Variants in RREB1 observed in about 807,000 individuals in gnomAD.
The protein encoded by RREB1 is ras-responsive element-binding protein 1.
Under a neutral mutation model 117.8 loss-of-function variants are expected in RREB1, and 27 were observed. The ratio of observed to expected loss-of-function variants is 0.23; its 90% CI spans 0.17 to 0.32. RREB1 has a LOEUF of 0.32. RREB1 is among the 10% of genes least tolerant of loss of function. The probability of loss-of-function intolerance (pLI) is 1.00; values close to 1 mark genes in which losing one functional copy is unlikely to be tolerated. For synonymous variants in RREB1, 1,298 were observed against 1,026.7 expected, an observed-to-expected ratio of 1.26 and a Z score of -5.05; for missense variants, 2,577 against 2,378.2, an observed-to-expected ratio of 1.08 and a Z score of -1.74.
intron 1 of RREB1, among the ~76,000 whole-genome samples, chr6:7,130,540 C>A (rs562593816): frequency 6.6e-6 from 1 of 152,252 alleles, no homozygotes; most frequent in East Asian, 1.9e-4. Context: ...CCAGCTGTTT[C>A]TCTATAGCTT....
At chr6:7,117,213 T>C (rs1485560028) in intron 1 of RREB1, among the ~76,000 whole-genome samples, 1 of 152,022 alleles carries the variant, frequency 6.6e-6, no homozygotes, top group Non-Finnish European at 1.5e-5. Context: ...TTAAGGGAGC[T>C]CCCTTTATTC....
chr6:7,126,120 G>A (rs905793896), intron 1 of RREB1, among the ~76,000 whole-genome samples: 6 of 152,108 alleles, frequency 3.9e-5, no homozygotes, highest in African/African-American at 1.2e-4. Flanking sequence ...TCCTGCCTCA[G>A]CCTCCTGAGT....
intron 1 of RREB1, among the ~76,000 whole-genome samples, chr6:7,114,983 A>G (rs1307225480): frequency 1.6e-5 from 2 of 124,670 alleles, no homozygotes; most frequent in African/African-American, 2.9e-5. Flanking sequence ...AGTTATGTGG[A>G]GTATACCTTT....
chr6:7,149,085 G>A (rs1219985115), intron 1 of RREB1, among the ~76,000 whole-genome samples: 1 of 152,072 alleles, frequency 6.6e-6, no homozygotes, highest in Non-Finnish European at 1.5e-5. Flanking sequence ...ACCACACCCA[G>A]CTAATTTTTG....
intron 1 of RREB1, among the ~76,000 whole-genome samples, chr6:7,121,584 G>A (rs981389165): frequency 2.0e-5 from 3 of 151,926 alleles, no homozygotes; most frequent in African/African-American, 4.8e-5. Context: ...CTAATGTGTT[G>A]GGCCCTCCAC....
intron 1 of RREB1, among the ~76,000 whole-genome samples, chr6:7,111,182 G>A (rs945565314): frequency 9.9e-5 from 15 of 152,204 alleles, no homozygotes; most frequent in Admixed American, 7.2e-4. Flanking sequence ...CTGTGTGCCA[G>A]GCACTGTACA....
intron 1 of RREB1, among the ~76,000 whole-genome samples, chr6:7,125,050 C>T (rs1761850315): frequency 6.6e-6 from 1 of 152,218 alleles, no homozygotes; most frequent in South Asian, 2.1e-4. Flanking sequence ...CAGCAGATTA[C>T]AGCTTACCAG....
At chr6:7,241,360 C>T (rs1256965115) in intron 11 of RREB1, among the ~76,000 whole-genome samples, 4 of 152,144 alleles carry the variant, frequency 2.6e-5, no homozygotes, top group Admixed American at 2.6e-4. Flanking sequence ...CAAGAGCAAA[C>T]AAAACGAAAG....
intron 1 of RREB1, among the ~76,000 whole-genome samples, chr6:7,121,372 A>G (rs1210335715): frequency 6.6e-6 from 1 of 152,162 alleles, no homozygotes; most frequent in African/African-American, 2.4e-5. Context: ...TAGGACTCTC[A>G]CAGTGGCTCA....
intron 1 of RREB1, among the ~76,000 whole-genome samples, chr6:7,111,514 G>C (rs926605924): frequency 2.0e-5 from 3 of 152,104 alleles, no homozygotes; most frequent in Admixed American, 6.6e-5. Flanking sequence ...ATAGGATAAG[G>C]GTTGCTAAGC....
intron 1 of RREB1, among the ~76,000 whole-genome samples, chr6:7,160,677 C>A (rs1763610916): frequency 6.8e-6 from 1 of 147,408 alleles, no homozygotes; most frequent in South Asian, 2.2e-4. Context: ...ACCTGGATAA[C>A]TTTTTTTTTT....
chr6:7,153,320 T>C (rs2113434827), intron 1 of RREB1, among the ~76,000 whole-genome samples: 1 of 151,986 alleles, frequency 6.6e-6, no homozygotes, highest in Admixed American at 6.6e-5. Context: ...CAAAACAAGT[T>C]ATCAGTCCAC....
intron 1 of RREB1, among the ~76,000 whole-genome samples, chr6:7,171,911 C>T (rs1350545762): frequency 6.6e-6 from 1 of 151,170 alleles, no homozygotes; most frequent in East Asian, 1.9e-4. Flanking sequence ...AGCATGGAGA[C>T]TCTTGAATGG....
chr6:7,188,256 C>T (rs994267536), intron 5 of RREB1, among the ~76,000 whole-genome samples: 69 of 87,500 alleles, frequency 7.9e-4, no homozygotes, highest in East Asian at 3.0e-3. Context: ...TGTGTGTGCG[C>T]GCGCGCACGT....
chr6:7,226,322 G>A, intron 8 of RREB1, 145 bp from the exon 9 acceptor site: 2 of 609,298 alleles, frequency 3.3e-6, no homozygotes, highest in Admixed American at 3.4e-5. Context: ...ATGCAGCCTG[G>A]CTTCTTGACA....
At chr6:7,112,872 C>T (rs1351970669) in intron 1 of RREB1, among the ~76,000 whole-genome samples, 3 of 152,150 alleles carry the variant, frequency 2.0e-5, no homozygotes, top group East Asian at 3.8e-4. Flanking sequence ...GAACTGCAGC[C>T]GAGTGTAGCT....
At chr6:7,206,430 A>C (rs749540311) in intron 6 of RREB1, among the ~76,000 whole-genome samples, 3 of 152,164 alleles carry the variant, frequency 2.0e-5, no homozygotes, top group Non-Finnish European at 2.9e-5. Context: ...CATATACTTC[A>C]TTCCTTCCTT....
intron 1 of RREB1, among the ~76,000 whole-genome samples, chr6:7,114,474 G>GT (rs1276427690): frequency 6.6e-6 from 1 of 151,932 alleles, no homozygotes; most frequent in Non-Finnish European, 1.5e-5. Flanking sequence ...CTGGTGGGGG[G>GT]GGGGGCGGCA....
chr6:7,229,245 G>T lies in RREB1; in HGVS notation c.1146G>T (p.Glu382Asp), dbSNP rs774954588. Residue 382 changes from glutamate to aspartate, a missense_variant, in exon 10 of 13, where the codon GAG (glutamate) becomes GAT (aspartate). Physicochemically the swap from Glu to Asp is conservative, Grantham distance 45 (BLOSUM62 2). Coordinates refer to ENST00000379938, the MANE Select transcript of RREB1 (RefSeq NM_001003699.4). This position sits in a 1 kb window ranked among gnomAD's most constrained non-coding sequence, Gnocchi z 4.5. ...ACGTCAGGCCTGCCCCCGCCGAGGA[G>T]CCCCTGCCGGATGACAACCAGGCAA... ...TKDVRPAPAE[E>D]PLPDDNQAIQ... 1.9e-6 allele frequency: 3 copies of T among 1,613,980 alleles called. No individual in the cohort carries two copies. Among genetic ancestry groups the T allele is most frequent in the Middle Eastern group, 1.6e-4 (1 of 6,062 alleles).
Sources: allele counts gnomAD v4.1 joint callset (sites outside exome capture counted in the v4.1 genomes callset), GRCh38; gene constraint gnomAD v4.1.1; non-coding constraint Gnocchi (gnomAD v3.1); transcripts MANE v1.5; gene names NCBI Gene and HGNC (gene_info 2026-07-23, HGNC 2026-07-21).